RAPGEF6: variants seen among roughly 807,000 people sequenced by gnomAD.
RAPGEF6 encodes PDZ domain containing guanine nucleotide exchange factor (GEF) 2.
Under a neutral mutation model 171.4 loss-of-function variants are expected in RAPGEF6, and 56 were observed. That is an observed-to-expected ratio of 0.33 (90% CI 0.26 to 0.41). The LOEUF (loss-of-function observed/expected upper bound fraction) is 0.41. Ranked by LOEUF, RAPGEF6 falls within the 10% of genes least tolerant of loss-of-function variation. The pLI, the probability that RAPGEF6 is intolerant of heterozygous loss-of-function variation, is 1.00. For missense variants in RAPGEF6, 1,674 were observed against 1,921.4 expected (o/e 0.87, Z 2.41); for synonymous variants, 692 against 650.1 (o/e 1.06, Z -0.98).
intron 6 of RAPGEF6, among the ~76,000 whole-genome samples, chr5:131,530,309 A>G (rs1473692234): frequency 1.3e-5 from 2 of 152,154 alleles, no homozygotes; most frequent in African/African-American, 4.8e-5. Context: ...TGGATTTATT[A>G]TTTTATATTG....
intron 6 of RAPGEF6, among the ~76,000 whole-genome samples, chr5:131,535,624 T>G (rs1759714253): frequency 6.6e-6 from 1 of 152,186 alleles, no homozygotes; most frequent in Non-Finnish European, 1.5e-5. Context: ...TCTTTTGCAC[T>G]ACTATAAAAT....
intron 15 of RAPGEF6, among the ~76,000 whole-genome samples, chr5:131,486,862 A>G (rs980701670): frequency 1.3e-5 from 2 of 151,730 alleles, no homozygotes; most frequent in Non-Finnish European, 2.9e-5. Context: ...AGCGTCCTAG[A>G]AATGTTTTTC....
At position 131,635,109 on chromosome 5, in the gene RAPGEF6, A is replaced by G. The variant is rs928386837; in HGVS notation, c.-79T>C. The G allele has an allele frequency of 7.1e-7, 1 of 1,399,722 alleles. No homozygotes were observed. The highest frequency in any genetic ancestry group is 9.6e-7 in the Non-Finnish European group (1 of 1,046,630). 86.7% of individuals were successfully genotyped at this position (1,399,722 alleles called of 1,614,324 possible). ...ATTCACACTAGGTAGCGGGTGCGGTACCTTTCCCCCGCCCCAAGGAGGGAA... is the reference window on the plus strand; with the variant it reads ...ATTCACACTAGGTAGCGGGTGCGGTGCCTTTCCCCCGCCCCAAGGAGGGAA... On this transcript the variant is annotated 5_prime_UTR_variant, in exon 1 of 28. Coordinates refer to ENST00000509018, the MANE Select transcript of RAPGEF6 (RefSeq NM_016340.6).
At chr5:131,579,895 T>C (rs932261651) in intron 4 of RAPGEF6, among the ~76,000 whole-genome samples, 1 of 152,012 alleles carries the variant, frequency 6.6e-6, no homozygotes, top group African/African-American at 2.4e-5. Context: ...AGAGTGCTGA[T>C]TGGTACATTT....
Position 131,436,112 on chromosome 5 carries a change from G to C in RAPGEF6, c.3746-2454C>G, listed in dbSNP as rs951217034. 31 of 1,537,858 alleles carry C rather than the reference G, an allele frequency of 2.0e-5. No individual in the cohort carries two copies. In the African/African-American group the frequency reaches 2.1e-4, roughly 10 times the overall value. ...TCACAGCTTTCTGTAGCTTGATTGT[G>C]ATCTGTGTCCTCTTTTTGGCTGTTG... is the stretch of plus-strand genomic sequence containing the variant. On this transcript the variant is annotated intron_variant, in intron 24 of 27. Transcript: ENST00000509018.
intron 19 of RAPGEF6, among the ~76,000 whole-genome samples, chr5:131,460,990 T>C (rs1451689068): frequency 6.6e-6 from 1 of 152,176 alleles, no homozygotes; most frequent in Non-Finnish European, 1.5e-5. Flanking sequence ...CCTCTCCCTT[T>C]TAAAATTAAA....
intron 3 of RAPGEF6, among the ~76,000 whole-genome samples, chr5:131,594,511 C>A (rs769942160): frequency 6.6e-6 from 1 of 152,208 alleles, no homozygotes; most frequent in Admixed American, 6.5e-5. Context: ...GGGTTGGAGC[C>A]CCCACACAGA....
chr5:131,545,630 C>T (rs989901439), intron 6 of RAPGEF6, among the ~76,000 whole-genome samples: 3 of 152,052 alleles, frequency 2.0e-5, no homozygotes, highest in Non-Finnish European at 4.4e-5. Flanking sequence ...AGGACACTGG[C>T]CAGATGTACA....
At chr5:131,617,167 G>T (rs1561611101) in intron 1 of RAPGEF6, among the ~76,000 whole-genome samples, 1 of 152,188 alleles carries the variant, frequency 6.6e-6, no homozygotes, top group Non-Finnish European at 1.5e-5. Flanking sequence ...AAGACAGCTG[G>T]ATGCAGTGGC....
At chr5:131,553,764 T>G (rs1003791665) in intron 5 of RAPGEF6, among the ~76,000 whole-genome samples, 7 of 151,468 alleles carry the variant, frequency 4.6e-5, no homozygotes, top group Admixed American at 3.3e-4. Context: ...GGAAAAGAGT[T>G]AAATAAGAAA....
At chr5:131,580,933 C>A (rs116082197) in intron 4 of RAPGEF6, among the ~76,000 whole-genome samples, 5,220 of 152,260 alleles carry the variant, frequency 0.034, 284 homozygotes, top group African/African-American at 0.12. Context: ...CTGTCTCCCT[C>A]ATGACACCAA....
chr5:131,434,897 CAAA>C (rs769088133), intron 24 of RAPGEF6, among the ~76,000 whole-genome samples: 72 of 152,276 alleles, frequency 4.7e-4, no homozygotes, highest in Non-Finnish European at 2.9e-4. Context: ...GGACGGGTCT[CAAA>C]GAAGTAAAAA....
At chr5:131,491,540 C>T (rs1432897723) in intron 14 of RAPGEF6, among the ~76,000 whole-genome samples, 1 of 152,130 alleles carries the variant, frequency 6.6e-6, no homozygotes, top group African/African-American at 2.4e-5. Context: ...GGGTCCCCAA[C>T]CACCAGGACA....
chr5:131,436,688 A>G (rs916030063), intron 24 of RAPGEF6, among the ~76,000 whole-genome samples: 6 of 152,244 alleles, frequency 3.9e-5, no homozygotes, highest in African/African-American at 1.4e-4. Context: ...AAGGAAAAAT[A>G]TGACAAAAAT....
intron 3 of RAPGEF6, among the ~76,000 whole-genome samples, chr5:131,596,914 T>G (rs1184471263): frequency 6.6e-6 from 1 of 152,156 alleles, no homozygotes; most frequent in Non-Finnish European, 1.5e-5. Context: ...CTAAAAAGTT[T>G]TTGCGCAGCA....
At position 131,624,413 on chromosome 5, in the gene RAPGEF6, C is replaced by A. The variant is rs542636542; in HGVS notation, c.69+10549G>T. On this transcript the variant is annotated intron_variant, in intron 1 of 27. Transcript: ENST00000509018. ...ATAATCAGATGACTAGCAAGGAAAG[C>A]CCCAAGAGAGGAGGTTAAAAGTCCA... Among the ~76,000 whole-genome samples the A allele has an allele frequency of 2.0e-5, 3 of 152,266 alleles. No individual in the cohort carries two copies. The South Asian group carries it at 6.2e-4, about 32-fold the overall frequency.
intron 21 of RAPGEF6, among the ~76,000 whole-genome samples, chr5:131,449,559 G>C (rs534603203): frequency 6.6e-6 from 1 of 152,240 alleles, no homozygotes; most frequent in African/African-American, 2.4e-5. Context: ...ATAAAAGAAA[G>C]TGGTGTGAAC....
rs1308036988 is a variant in RAPGEF6, at chr5:131,427,231, G to A, written c.*35C>T. The A allele has an allele frequency of 2.5e-6, 4 of 1,595,048 alleles. No homozygotes were observed. Among genetic ancestry groups the A allele is most frequent in the African/African-American group, 1.3e-5 (1 of 74,514 alleles). ...AGGTGGTTCTTGCCCATTCCTCCAC[G>A]ACTTTCAGTGGTTTTCAAATAGGTC... On this transcript the variant is annotated 3_prime_UTR_variant, in exon 28 of 28. Transcript: ENST00000509018.
At chr5:131,583,781 A>T (rs1304360914) in intron 4 of RAPGEF6, among the ~76,000 whole-genome samples, 1 of 152,220 alleles carries the variant, frequency 6.6e-6, no homozygotes, top group Non-Finnish European at 1.5e-5. Context: ...ATACTGGCTC[A>T]GAATAAATCT....
Sources: allele counts gnomAD v4.1 joint callset (sites outside exome capture counted in the v4.1 genomes callset), GRCh38; gene constraint gnomAD v4.1.1; transcripts MANE v1.5; gene names NCBI Gene and HGNC (gene_info 2026-07-23, HGNC 2026-07-21).